Variants in REV1 observed in about 807,000 individuals in gnomAD.
The protein encoded by REV1 is translesion synthesis protein REV1.
REV1 carries 42 observed loss-of-function variants against 137.4 expected under a neutral mutation model. The observed-to-expected ratio is 0.31, with a 90% CI of 0.24 to 0.40. The LOEUF (loss-of-function observed/expected upper bound fraction) is 0.40. Ranked by LOEUF, REV1 falls within the 10% of genes least tolerant of loss-of-function variation. REV1 has a pLI of 1.00. For synonymous variants in REV1, 524 were observed against 519.2 expected (o/e 1.01, Z -0.12); for missense variants, 1,282 against 1,490.1 (o/e 0.86, Z 2.30).
intron 1 of REV1, among the ~76,000 whole-genome samples, chr2:99,476,558 A>G (rs922749926): frequency 3.0e-4 from 45 of 151,614 alleles, no homozygotes; most frequent in African/African-American, 7.5e-4. Flanking sequence ...TCTGTCAATA[A>G]TAATAATAAT....
intron 4 of REV1, among the ~76,000 whole-genome samples, chr2:99,443,042 C>T (rs1309812395): frequency 2.6e-5 from 4 of 152,174 alleles, no homozygotes; most frequent in Admixed American, 1.3e-4. Flanking sequence ...GTGGTACTAG[C>T]ACTGTAACTG....
intron 1 of REV1, among the ~76,000 whole-genome samples, chr2:99,477,057 C>G (rs1210007175): frequency 7.9e-6 from 1 of 127,260 alleles, no homozygotes; most frequent in Admixed American, 8.7e-5. Context: ...TGCAGTTGAT[C>G]TCATAAGTGA....
chr2:99,423,584 T>C (rs1455479114), intron 10 of REV1, among the ~76,000 whole-genome samples: 2 of 152,222 alleles, frequency 1.3e-5, no homozygotes, highest in African/African-American at 2.4e-5. Context: ...TCTACACTTT[T>C]AAATATTTTT....
chr2:99,441,642 A>G (rs1234788243), intron 5 of REV1, among the ~76,000 whole-genome samples: 1 of 152,208 alleles, frequency 6.6e-6, no homozygotes, highest in Non-Finnish European at 1.5e-5. Flanking sequence ...TGCATGGAAC[A>G]CAACAAAAAT....
chr2:99,428,805 C>T (rs550594446), intron 9 of REV1, among the ~76,000 whole-genome samples: 12 of 151,896 alleles, frequency 7.9e-5, no homozygotes, highest in South Asian at 4.2e-4. Context: ...CTGGCTAACA[C>T]GGTGAAATCC....
intron 17 of REV1, chr2:99,405,704 A>T (rs1270210467): frequency 2.5e-6 from 1 of 404,178 alleles, no homozygotes; most frequent in African/African-American, 2.1e-5. Flanking sequence ...AAGAGTGGCA[A>T]ATCTTTGCAA....
chr2:99,412,321 C>A (rs1677290427), intron 13 of REV1, among the ~76,000 whole-genome samples: 2 of 148,368 alleles, frequency 1.3e-5, no homozygotes, highest in Admixed American at 6.7e-5. Context: ...ATGGAAACTA[C>A]TCAGCCATCT....
intron 5 of REV1, among the ~76,000 whole-genome samples, chr2:99,440,526 A>G (rs1681349803): frequency 6.6e-6 from 1 of 152,254 alleles, no homozygotes; most frequent in Non-Finnish European, 1.5e-5. Context: ...CATCATATGG[A>G]ATGTGACAGG....
chr2:99,453,090 G>C (rs1448620862), intron 3 of REV1, among the ~76,000 whole-genome samples: 5 of 152,222 alleles, frequency 3.3e-5, no homozygotes, highest in African/African-American at 1.2e-4. Flanking sequence ...GCCAGGTGCA[G>C]TGGCTCACAC....
intron 15 of REV1, among the ~76,000 whole-genome samples, chr2:99,407,384 C>G (rs1313851974): frequency 6.8e-6 from 1 of 147,368 alleles, no homozygotes; most frequent in Non-Finnish European, 1.5e-5. Context: ...AACCTCATCT[C>G]TACCAAAAAT....
chr2:99,463,369 A>G (rs1277288468), intron 2 of REV1, among the ~76,000 whole-genome samples: 3 of 151,650 alleles, frequency 2.0e-5, no homozygotes, highest in African/African-American at 7.3e-5. Context: ...AAAATACAAA[A>G]TCAGCTGGGT....
chr2:99,425,759 GGGCACAGT>G lies in REV1; in HGVS notation c.1548-1487_1548-1480del, dbSNP rs1679254899. On this transcript the variant is annotated intron_variant, in intron 9 of 22. Coordinates refer to ENST00000258428, the MANE Select transcript of REV1 (RefSeq NM_016316.4). ...TTTTTAAAAATGTGTTTATAAGGCC[GGGCACAGT>G]GGCTCATGCCTGTAATCCCAGCACT... 5.3e-5 allele frequency among the ~76,000 whole-genome samples: 8 copies of G among 152,260 alleles called. No individual in the cohort carries two copies. The South Asian group carries it at 1.7e-3, about 32-fold the overall frequency.
chr2:99,427,698 T>C (rs2104680907), intron 9 of REV1, among the ~76,000 whole-genome samples: 1 of 152,302 alleles, frequency 6.6e-6, no homozygotes, highest in Admixed American at 6.5e-5. Flanking sequence ...AACTATTTTC[T>C]AGAAACTTTC....
At chr2:99,424,741 GACAA>G (rs1471554533) in intron 9 of REV1, 6 of 1,299,806 alleles carry the variant, frequency 4.6e-6, no homozygotes, top group Non-Finnish European at 6.1e-6. Flanking sequence ...AGTGCTATGT[GACAA>G]ACAGACAAAA....
intron 1 of REV1, among the ~76,000 whole-genome samples, chr2:99,484,701 A>C (rs980189374): frequency 4.6e-5 from 7 of 152,176 alleles, no homozygotes; most frequent in African/African-American, 1.7e-4. Flanking sequence ...CTAAAAAAAA[A>C]ACAAAAAATT....
intron 9 of REV1, among the ~76,000 whole-genome samples, chr2:99,425,452 G>C (rs1434878192): frequency 2.0e-5 from 3 of 152,184 alleles, no homozygotes; most frequent in South Asian, 4.1e-4. Flanking sequence ...CGAGGTGCTG[G>C]GTATAGGATG....
intron 1 of REV1, among the ~76,000 whole-genome samples, chr2:99,488,678 G>C (rs1413231475): frequency 6.6e-6 from 1 of 152,216 alleles, no homozygotes; most frequent in African/African-American, 2.4e-5. Flanking sequence ...AAGAATATGT[G>C]TGAAAGGTTG....
At position 99,462,473 on chromosome 2, in the gene REV1, G is replaced by C. The variant is rs1272651183; in HGVS notation, c.181+23C>G. On this transcript the variant is annotated intron_variant, in intron 3 of 22. Transcript: ENST00000258428. ...CCTAATAAAAATACATGCCAAAATA[G>C]GGTTAAGTAAAAAGTACTCAACCTG... 4 of 1,576,560 alleles carry C rather than the reference G, an allele frequency of 2.5e-6. No individual in the cohort carries two copies. In the African/African-American group the frequency reaches 4.1e-5, roughly 16 times the overall value.
intron 1 of REV1, among the ~76,000 whole-genome samples, chr2:99,478,746 C>T (rs1278432728): frequency 2.0e-5 from 3 of 152,284 alleles, no homozygotes; most frequent in African/African-American, 4.8e-5. Context: ...AGCACAGGGC[C>T]TGTTAAAACA....
Sources: gnomAD v4.1 joint callset for allele counts (sites outside exome capture counted in the v4.1 genomes callset) on GRCh38, gnomAD v4.1.1 for gene constraint, MANE v1.5 for transcripts, NCBI Gene and HGNC (gene_info 2026-07-23, HGNC 2026-07-21) for gene names.